The following USP6NL variants were observed in gnomAD, a reference collection of about 807,000 sequenced individuals.
USP6NL encodes USP6 N-terminal like.
USP6NL carries 26 observed loss-of-function variants against 61.9 expected under a neutral mutation model. The ratio of observed to expected loss-of-function variants is 0.42; its 90% CI spans 0.31 to 0.58. The LOEUF is 0.58. Among genes scored for constraint, USP6NL ranks in the 20% least tolerant of loss-of-function variants. The probability of loss-of-function intolerance (pLI) is 0.16; values close to 1 mark genes in which losing one functional copy is unlikely to be tolerated. For synonymous variants in USP6NL, 432 were observed against 390.1 expected (o/e 1.11, Z -1.27); for missense variants, 1,114 against 1,034.3 (o/e 1.08, Z -1.06).
At chr10:11,551,540 A>T (rs1233006850) in intron 2 of USP6NL, among the ~76,000 whole-genome samples, 1 of 152,244 alleles carries the variant, frequency 6.6e-6, no homozygotes, top group Non-Finnish European at 1.5e-5. Context: ...AGAATTATCT[A>T]GTTTAATCGT....
intron 2 of USP6NL, among the ~76,000 whole-genome samples, chr10:11,530,460 C>A (rs1174868842): frequency 1.3e-5 from 2 of 152,204 alleles, no homozygotes; most frequent in Non-Finnish European, 2.9e-5. Context: ...TCCAGAAATA[C>A]TGGACTTCTT....
In USP6NL at chr10:11,561,993, T is replaced by C. The variant is rs1374708802; in HGVS notation, c.5-34426A>G. On this transcript the variant is annotated intron_variant, in intron 2 of 14. Coordinates refer to ENST00000609104, the MANE Select transcript of USP6NL (RefSeq NM_014688.5). This position sits in a 1 kb window ranked among gnomAD's most constrained non-coding sequence, Gnocchi z 4.1. ...CAGATCTTTTTAAGCAAGGATGTTC[T>C]GAGTAAAAAAAAGAAATTTGCTCAT... Among the ~76,000 whole-genome samples, 1 of 152,178 alleles carries C rather than the reference T, an allele frequency of 6.6e-6. No individual in the cohort carries two copies. The highest frequency in any genetic ancestry group is 1.5e-5 in the Non-Finnish European group (1 of 68,026).
chr10:11,573,604 A>AC (rs778161576), intron 2 of USP6NL: 1 of 398,766 alleles, frequency 2.5e-6, no homozygotes, highest in Non-Finnish European at 4.4e-6. Context: ...TGCTAATCCT[A>AC]CCTTCCTTCA....
rs1838071711 is a variant in USP6NL at position 11,589,014 on chromosome 10, A to G, written c.4+8617T>C. On this transcript the variant is annotated intron_variant, in intron 2 of 14. Transcript: ENST00000609104. The surrounding 1 kb of genome is among the most constrained non-coding windows in gnomAD (Gnocchi z 4.7). ...ACTAACACTGATTATTTTAAAAACC[A>G]CAATGGCCCTATTGCCCCCATGTAT... Among the ~76,000 whole-genome samples the G allele has an allele frequency of 6.6e-6, 1 of 152,208 alleles. No individual in the cohort carries two copies.
rs143784303 is a variant in USP6NL at position 11,511,682 on chromosome 10, T to C, written c.196-2007A>G. On this transcript the variant is annotated intron_variant, in intron 5 of 14. Coordinates refer to ENST00000609104, the MANE Select transcript of USP6NL (RefSeq NM_014688.5). This position sits in a 1 kb window ranked among gnomAD's most constrained non-coding sequence, Gnocchi z 4.9. ...TTAAAAGCACACTTTTGAATTCTAA[T>C]GCTTATCATATATACAGATTATTTT... is the stretch of plus-strand genomic sequence containing the variant. 4.3e-4 allele frequency among the ~76,000 whole-genome samples: 65 copies of C among 152,288 alleles called. 1 individual carries two copies. The highest frequency in any genetic ancestry group is 1.6e-3 in the African/African-American group (65 of 41,582).
intron 2 of USP6NL, among the ~76,000 whole-genome samples, chr10:11,584,275 T>A (rs1363097626): frequency 6.6e-6 from 1 of 152,146 alleles, no homozygotes; most frequent in Non-Finnish European, 1.5e-5. Context: ...CAACGTAACA[T>A]CACATTTAAG....
rs1486981807 is a variant in USP6NL, at chr10:11,493,063, T to C, written c.494+56A>G. Reference sequence around the variant, plus strand: ...CTATAAAGGCATTCTAATTTTAAGTTAATAAAGACTATTTATAAATGCGAT... The same window carrying C: ...CTATAAAGGCATTCTAATTTTAAGTCAATAAAGACTATTTATAAATGCGAT... On this transcript the variant is annotated intron_variant, in intron 8 of 14. Transcript: ENST00000609104. The C allele has an allele frequency of 4.1e-6, 6 of 1,461,262 alleles. No homozygotes were observed. In the African/African-American group the frequency reaches 8.4e-5, roughly 21 times the overall value. 90.5% of individuals were successfully genotyped at this position (1,461,262 alleles called of 1,614,324 possible).
At chr10:11,565,902 C>T (rs1019876306) in intron 2 of USP6NL, among the ~76,000 whole-genome samples, 2 of 149,166 alleles carry the variant, frequency 1.3e-5, no homozygotes, top group Admixed American at 6.7e-5. Context: ...AATAGCAATA[C>T]TGATTGCAAT....
At chr10:11,608,832 A>G (rs988322552) in intron 1 of USP6NL, among the ~76,000 whole-genome samples, 2 of 152,246 alleles carry the variant, frequency 1.3e-5, no homozygotes, top group African/African-American at 4.8e-5. Context: ...GCATGAGGTG[A>G]TACGACCTGA....
intron 4 of USP6NL, among the ~76,000 whole-genome samples, chr10:11,522,621 G>A (rs575101552): frequency 2.0e-5 from 3 of 152,274 alleles, no homozygotes; most frequent in African/African-American, 7.2e-5. Flanking sequence ...CCACATCATG[G>A]AGTAAATAAA....
rs915144758 is a variant in USP6NL at position 11,561,633 on chromosome 10, A to G, written c.5-34066T>C. The stretch of plus-strand genomic sequence containing the variant: ...GCACTAACCTTTCTTCTACTGACAG[A>G]TAAGTTCTACTGGTTTGGGTATTGT... On this transcript the variant is annotated intron_variant, in intron 2 of 14. Transcript: ENST00000609104. This position sits in a 1 kb window ranked among gnomAD's most constrained non-coding sequence, Gnocchi z 4.1. Among the ~76,000 whole-genome samples the G allele has an allele frequency of 4.6e-5, 7 of 152,238 alleles. No homozygotes were observed. The highest frequency in any genetic ancestry group is 1.7e-4 in the African/African-American group (7 of 41,464).
intron 7 of USP6NL, among the ~76,000 whole-genome samples, chr10:11,494,300 G>A (rs1469373612): frequency 6.6e-6 from 1 of 152,090 alleles, no homozygotes; most frequent in Non-Finnish European, 1.5e-5. Flanking sequence ...TTCAGTACTG[G>A]GTTTGGATCT....
chr10:11,509,594 C>A lies in USP6NL; in HGVS notation c.276+1G>T. The stretch of plus-strand genomic sequence containing the variant: ...TATGGAAAAACATGATTTTAAATTA[C>A]CTTTTCAGTGTTCTTGTATTTTTCC... On this transcript the variant is annotated splice_donor_variant, in intron 6 of 14. Transcript: ENST00000609104. LOFTEE classifies it high-confidence loss of function. 1 of 1,549,430 alleles carries A rather than the reference C, an allele frequency of 6.5e-7. No homozygotes were observed. Among genetic ancestry groups the A allele is most frequent in the Non-Finnish European group, 8.7e-7 (1 of 1,145,914 alleles).
Position 11,509,552 on chromosome 10 carries a change from G to A in USP6NL, c.276+43C>T. The A allele has an allele frequency of 2.1e-6, 3 of 1,419,166 alleles. No individual in the cohort carries two copies. The East Asian group carries it at 7.6e-5, about 36-fold the overall frequency. The allele number at this position is 1,419,166 out of a possible 1,614,324, so 87.9% of individuals were successfully genotyped here. ...AACTTCTACTATGAAAATCCACATTGAGTTTATATAGTTTCATATGGAAAA... is the reference window on the plus strand; with the variant it reads ...AACTTCTACTATGAAAATCCACATTAAGTTTATATAGTTTCATATGGAAAA... On this transcript the variant is annotated intron_variant, in intron 6 of 14. Coordinates refer to ENST00000609104, the MANE Select transcript of USP6NL (RefSeq NM_014688.5).
In USP6NL at chr10:11,532,656, CTT is replaced by C. The variant is rs938149080; in HGVS notation, c.5-5091_5-5090del. The stretch of plus-strand genomic sequence containing the variant: ...TTCTTATTTCTTATTAAAAATAAAA[CTT>C]GTCACAGAGCAACAAAAAAATTTTT... On this transcript the variant is annotated intron_variant, in intron 2 of 14. Transcript: ENST00000609104. This position sits in a 1 kb window ranked among gnomAD's most constrained non-coding sequence, Gnocchi z 4.1. Among the ~76,000 whole-genome samples the C allele has an allele frequency of 6.6e-5, 10 of 152,236 alleles. No individual in the cohort carries two copies. Among genetic ancestry groups the C allele is most frequent in the Admixed American group, 3.3e-4 (5 of 15,288 alleles).
chr10:11,545,372 T>C (rs1347469476), intron 2 of USP6NL, among the ~76,000 whole-genome samples: 1 of 152,178 alleles, frequency 6.6e-6, no homozygotes. Flanking sequence ...TTCTCTCCTG[T>C]GGCCAAAAGA....
chr10:11,463,212 A>G lies in USP6NL; in HGVS notation c.1716T>C (p.Ala572=), dbSNP rs1387108999. The change falls in exon 15 of 15, where the codon GCT becomes GCC. Residue 572 remains alanine (A), a synonymous_variant. Transcript: ENST00000609104. The surrounding 1 kb of genome is among the most constrained non-coding windows in gnomAD (Gnocchi z 6.3). ...GGGCATGCCGGGGGCTCTGGGAGTA[A>G]GCCCTTTCCAGCGCCTCCTCCACGG... ...GASVEEALER[A]YSQSPRHALY... The G allele has an allele frequency of 1.2e-6, 2 of 1,613,234 alleles. No homozygotes were observed. The highest frequency in any genetic ancestry group is 1.3e-5 in the African/African-American group (1 of 74,906).
Position 11,481,111 on chromosome 10 carries a change from T to G in USP6NL, c.1078+659A>C, listed in dbSNP as rs1302090307. ...ATTCTCGTATATTCTAGCTCTCCAG[T>G]GCACACCCTGAGAGCTTCTCATCTT... On this transcript the variant is annotated intron_variant, in intron 14 of 14. Transcript: ENST00000609104. This position sits in a 1 kb window ranked among gnomAD's most constrained non-coding sequence, Gnocchi z 4.4. 6.6e-6 allele frequency among the ~76,000 whole-genome samples: 1 copy of G among 152,242 alleles called. No individual in the cohort carries two copies. Among genetic ancestry groups the G allele is most frequent in the East Asian group, 1.9e-4 (1 of 5,200 alleles).
rs1362073153 is a variant in USP6NL at position 11,513,690 on chromosome 10, T to C, written c.196-4015A>G. On this transcript the variant is annotated intron_variant, in intron 5 of 14. Coordinates refer to ENST00000609104, the MANE Select transcript of USP6NL (RefSeq NM_014688.5). The surrounding 1 kb of genome is among the most constrained non-coding windows in gnomAD (Gnocchi z 4.7). The stretch of plus-strand genomic sequence containing the variant: ...CGTATCGCCTAAGAATGAAAACACA[T>C]TATCCTACATGATTACAGTACCATT... 1.3e-5 allele frequency among the ~76,000 whole-genome samples: 2 copies of C among 152,190 alleles called. No individual in the cohort carries two copies. Among genetic ancestry groups the C allele is most frequent in the Admixed American group, 6.5e-5 (1 of 15,272 alleles).
Sources: gnomAD v4.1 joint callset for allele counts (sites outside exome capture counted in the v4.1 genomes callset) on GRCh38, gnomAD v4.1.1 for gene constraint, Gnocchi (gnomAD v3.1) non-coding constraint, MANE v1.5 for transcripts, NCBI Gene and HGNC (gene_info 2026-07-23, HGNC 2026-07-21) for gene names.